The following CPSF4 variants were observed in gnomAD, a reference collection of about 807,000 sequenced individuals.
CPSF4 encodes the protein cleavage and polyadenylation specific factor 4, also known as cleavage and polyadenylation specificity factor subunit 4.
In CPSF4, 11 loss-of-function variants were observed where a neutral mutation model predicts 37.7. That is an observed-to-expected ratio of 0.29 (90% CI 0.18 to 0.48). CPSF4 has a LOEUF of 0.48. Among genes scored for constraint, CPSF4 ranks in the 20% least tolerant of loss-of-function variants. The pLI, the probability that CPSF4 is intolerant of heterozygous loss-of-function variation, is 0.99. For synonymous variants in CPSF4, 132 were observed against 135.9 expected (o/e 0.97, Z 0.20); for missense variants, 144 against 359.5 (o/e 0.40, Z 4.85).
Position 99,449,444 on chromosome 7 carries a change from G to A in CPSF4, c.308-832G>A, listed in dbSNP as rs987972791. ...CTCCCATCTGTCCCCAGAGGCAGCA[G>A]CTGGCTCTCCTGGGCAGGCTCTTAA... On this transcript the variant is annotated intron_variant, in intron 3 of 7. Transcript: ENST00000292476. Among the ~76,000 whole-genome samples, 4 of 152,384 alleles carry A rather than the reference G, an allele frequency of 2.6e-5. No individual in the cohort carries two copies. In the South Asian group the frequency reaches 8.3e-4, roughly 32 times the overall value.
In CPSF4 at chr7:99,448,412, GCCTC is replaced by G; in HGVS notation, c.307+140_307+143del. ...AGGAGAACTCTGGCAGAACCTGCCA[GCCTC>G]AGCCAGCTTTTAGGGGACAGTGTGG... On this transcript the variant is annotated intron_variant, in intron 3 of 7. Transcript: ENST00000292476. This position sits in a 1 kb window ranked among gnomAD's most constrained non-coding sequence, Gnocchi z 4.4. The G allele has an allele frequency of 7.2e-6, 6 of 827,746 alleles. No homozygotes were observed. The highest frequency in any genetic ancestry group is 7.1e-6 in the Non-Finnish European group (4 of 560,760). The allele number at this position is 827,746 out of a possible 1,614,324, so 51.3% of individuals were successfully genotyped here. A position where few individuals can be genotyped will look rare whatever the true frequency, so the allele number is the denominator to read the frequency against.
At chr7:99,439,575 G>T in intron 1 of CPSF4, 1 of 184,820 alleles carries the variant, frequency 5.4e-6, no homozygotes, top group Non-Finnish European at 1.1e-5. Flanking sequence ...TCGGATCTTT[G>T]GCCCTCTGCG....
intron 1 of CPSF4, among the ~76,000 whole-genome samples, chr7:99,442,669 A>C (rs1272636282): frequency 3.7e-4 from 55 of 150,400 alleles, no homozygotes; most frequent in East Asian, 5.8e-4. Flanking sequence ...AAAAAAAAAA[A>C]AAAAAACAAA....
intron 1 of CPSF4, among the ~76,000 whole-genome samples, chr7:99,440,674 A>ATATATTTTTTTTTTTTTTTTT: frequency 1.1e-5 from 1 of 88,086 alleles, no homozygotes; most frequent in East Asian, 3.4e-4. Context: ...ATATATATAT[A>ATATATTTTTTTTTTTTTTTTT]TTTTTTTTTT....
chr7:99,440,655 C>CGCATATATATAT (rs1363427698), intron 1 of CPSF4, among the ~76,000 whole-genome samples: 88 of 90,508 alleles, frequency 9.7e-4, no homozygotes, highest in Admixed American at 6.2e-3. Flanking sequence ...CTGCACCTGG[C>CGCATATATATAT]ATATATATAT....
chr7:99,448,405 C>T lies in CPSF4; in HGVS notation c.307+132C>T. 12 of 944,334 alleles carry T rather than the reference C, an allele frequency of 1.3e-5. No individual in the cohort carries two copies. The highest frequency in any genetic ancestry group is 1.5e-5 in the Non-Finnish European group (10 of 660,288). The allele number at this position is 944,334 out of a possible 1,614,324, so 58.5% of individuals were successfully genotyped here. A position where few individuals can be genotyped will look rare whatever the true frequency, so the allele number is the denominator to read the frequency against. On this transcript the variant is annotated intron_variant, in intron 3 of 7. Transcript: ENST00000292476. This position sits in a 1 kb window ranked among gnomAD's most constrained non-coding sequence, Gnocchi z 4.4. ...TTCTCAGAGGAGAACTCTGGCAGAA[C>T]CTGCCAGCCTCAGCCAGCTTTTAGG...
Position 99,440,034 on chromosome 7 carries a change from CAGT to C in CPSF4, c.103+853_103+855del, listed in dbSNP as rs369106455. On this transcript the variant is annotated intron_variant, in intron 1 of 7. Coordinates refer to ENST00000292476, the MANE Select transcript of CPSF4 (RefSeq NM_006693.4). ...GGATATCTTGTACTTTAAAAGAAAC[CAGT>C]AGTTTTCTTTGTGTCTTCTTTCCTA... Among the ~76,000 whole-genome samples, 503 of 152,262 alleles carry C rather than the reference CAGT, an allele frequency of 3.3e-3. 3 individuals carry two copies. Among genetic ancestry groups the C allele is most frequent in the African/African-American group, 9.7e-3 (405 of 41,562 alleles).
At chr7:99,444,136 G>A (rs1404774804) in intron 1 of CPSF4, among the ~76,000 whole-genome samples, 2 of 152,048 alleles carry the variant, frequency 1.3e-5, no homozygotes, top group African/African-American at 4.8e-5. Context: ...CCCTCCTGGA[G>A]GAAGGTGTGA....
intron 7 of CPSF4, among the ~76,000 whole-genome samples, chr7:99,456,131 C>T (rs1798289082): frequency 6.6e-6 from 1 of 152,212 alleles, no homozygotes; most frequent in African/African-American, 2.4e-5. Context: ...GCCATGTGTC[C>T]AGGTGGGAGA....
chr7:99,448,456 T>C lies in CPSF4; in HGVS notation c.307+183T>C, dbSNP rs938786352. 3.8e-5 allele frequency: 18 copies of C among 476,118 alleles called. 1 individual carries two copies. Among genetic ancestry groups the C allele is most frequent in the African/African-American group, 2.3e-4 (11 of 47,198 alleles). 29.5% of individuals were successfully genotyped at this position (476,118 alleles called of 1,614,324 possible). ...GGACAGTGTGGCTATTTTCTGCTCA[T>C]CTCTTTTTTTTTTTTTTTTTTTTTA... On this transcript the variant is annotated intron_variant, in intron 3 of 7. Transcript: ENST00000292476. The surrounding 1 kb of genome is among the most constrained non-coding windows in gnomAD (Gnocchi z 4.4).
chr7:99,440,947 CTTTTTTTT>C lies in CPSF4; in HGVS notation c.103+1775_103+1782del, dbSNP rs555082595. 3.3e-5 allele frequency among the ~76,000 whole-genome samples: 4 copies of C among 120,262 alleles called. No individual in the cohort carries two copies. The South Asian group carries it at 1.1e-3, about 32-fold the overall frequency. 78.9% of individuals were successfully genotyped at this position (120,262 alleles called of 152,430 possible). On this transcript the variant is annotated intron_variant, in intron 1 of 7. Coordinates refer to ENST00000292476, the MANE Select transcript of CPSF4 (RefSeq NM_006693.4). ...CCCTGCACATGTGGCCTTTTCCTGTCTTTTTTTTTTTTTTTTTTTTGAGACAGAGTTTT... is the reference window on the plus strand; with the variant it reads ...CCCTGCACATGTGGCCTTTTCCTGTCTTTTTTTTTTTTGAGACAGAGTTTT...
chr7:99,443,078 G>C (rs1797165381), intron 1 of CPSF4: 1 of 975,102 alleles, frequency 1.0e-6, no homozygotes, highest in Non-Finnish European at 1.7e-6. Context: ...GCTTATCCAA[G>C]TTAACCATAG....
chr7:99,450,584 GGAGGT>G lies in CPSF4; in HGVS notation c.404-112_404-108del. The G allele has an allele frequency of 3.4e-6, 3 of 890,670 alleles. No homozygotes were observed. In the South Asian group the frequency reaches 4.3e-5, roughly 13 times the overall value. 55.2% of individuals were successfully genotyped at this position (890,670 alleles called of 1,614,324 possible). A position where few individuals can be genotyped will look rare whatever the true frequency, so the allele number is the denominator to read the frequency against. On this transcript the variant is annotated intron_variant, in intron 4 of 7. Coordinates refer to ENST00000292476, the MANE Select transcript of CPSF4 (RefSeq NM_006693.4). ...TTTTTTGATAAGGAGGCCAGTGTTG[GGAGGT>G]GAGGTCCCTGCCCCGTCTCCCATGA...
intron 1 of CPSF4, among the ~76,000 whole-genome samples, chr7:99,440,655 C>CGCAT (rs1363427698): frequency 2.2e-5 from 2 of 90,628 alleles, no homozygotes; most frequent in Admixed American, 1.2e-4. Context: ...CTGCACCTGG[C>CGCAT]ATATATATAT....
At chr7:99,454,952 G>A (rs1447555263) in intron 7 of CPSF4, among the ~76,000 whole-genome samples, 3 of 152,152 alleles carry the variant, frequency 2.0e-5, no homozygotes, top group Non-Finnish European at 4.4e-5. Context: ...CTACTGGGGA[G>A]GCTTAGATGG....
chr7:99,440,559 T>C (rs936068476), intron 1 of CPSF4, among the ~76,000 whole-genome samples: 5 of 150,738 alleles, frequency 3.3e-5, no homozygotes, highest in Admixed American at 6.6e-5. Context: ...TTTCATCATG[T>C]TTCCCAGGGT....
intron 6 of CPSF4, 83 bp downstream of exon 6, chr7:99,452,523 C>A: frequency 8.0e-7 from 1 of 1,252,816 alleles, no homozygotes; most frequent in Non-Finnish European, 1.2e-6. Context: ...GTGTGGTCTG[C>A]CTTAGACCCC....
chr7:99,452,620 GGAGGGCCTCTTGC>G (rs1798014524), intron 6 of CPSF4, 180 bp downstream of exon 6: 1 of 597,842 alleles, frequency 1.7e-6, no homozygotes. Context: ...CTCGAGAGAC[GGAGGGCCTCTTGC>G]CCTAGAACCT....
intron 1 of CPSF4, among the ~76,000 whole-genome samples, chr7:99,440,676 T>TATATATATATATATATATATG (rs1562852973): frequency 1.6e-5 from 1 of 62,206 alleles, no homozygotes; most frequent in Non-Finnish European, 2.5e-5. Context: ...ATATATATAT[T>TATATATATATATATATATATG]TTTTTTTTTT....
Sources: gnomAD v4.1 joint callset for allele counts (sites outside exome capture counted in the v4.1 genomes callset) on GRCh38, gnomAD v4.1.1 for gene constraint, Gnocchi (gnomAD v3.1) non-coding constraint, MANE v1.5 for transcripts, NCBI Gene and HGNC (gene_info 2026-07-23, HGNC 2026-07-21) for gene names.